GTF3C1: variants seen among roughly 807,000 people sequenced by gnomAD.
GTF3C1 encodes general transcription factor IIIC subunit 1, also known as general transcription factor 3C polypeptide 1.
In GTF3C1, 57 loss-of-function variants were observed where a neutral mutation model predicts 226.7. The ratio of observed to expected loss-of-function variants is 0.25; its 90% CI spans 0.20 to 0.31. The LOEUF (loss-of-function observed/expected upper bound fraction) is 0.31, where lower values mean the gene tolerates loss of function less well. Among genes scored for constraint, GTF3C1 ranks in the 10% least tolerant of loss-of-function variants. GTF3C1 has a pLI of 1.00. For missense variants in GTF3C1, 2,217 were observed against 2,776.1 expected (o/e 0.80, Z 4.53); for synonymous variants, 1,090 against 1,084.8 (o/e 1.00, Z -0.09).
At chr16:27,491,883 G>C (rs1260022331) in intron 19 of GTF3C1, among the ~76,000 whole-genome samples, 2 of 152,074 alleles carry the variant, frequency 1.3e-5, no homozygotes, top group Admixed American at 1.3e-4. Flanking sequence ...CAGCTCCAAT[G>C]TCTCCTCCTC....
At chr16:27,494,669 GTCTTCAAGTATCC>G in intron 16 of GTF3C1, 81 bp downstream of exon 16, 1 of 843,228 alleles carries the variant, frequency 1.2e-6, no homozygotes, top group Non-Finnish European at 2.0e-6. Context: ...GCAACACCGG[GTCTTCAAGTATCC>G]TCCCTTGCCC....
At chr16:27,495,915 C>A (rs1320760322) in intron 14 of GTF3C1, among the ~76,000 whole-genome samples, 2 of 152,166 alleles carry the variant, frequency 1.3e-5, no homozygotes, top group Non-Finnish European at 2.9e-5. Flanking sequence ...GAGTGCAGCA[C>A]CTGCGGCAGG....
At chr16:27,478,380 T>G in intron 28 of GTF3C1, 89 bp downstream of exon 28, 1 of 900,190 alleles carries the variant, frequency 1.1e-6, no homozygotes, top group Non-Finnish European at 1.9e-6. Context: ...TGGGCTGGAT[T>G]TGGCCCTAGA....
chr16:27,516,366 G>A (rs2088658464), intron 6 of GTF3C1, among the ~76,000 whole-genome samples: 1 of 152,228 alleles, frequency 6.6e-6, no homozygotes, highest in East Asian at 1.9e-4. Flanking sequence ...TGGGTGCTGT[G>A]GGTGGGCCAC....
chr16:27,489,502 T>A (rs552626095), intron 20 of GTF3C1, 100 bp downstream of exon 20: 1 of 918,688 alleles, frequency 1.1e-6, no homozygotes. Context: ...ACACAGGCCG[T>A]CTGGCCTGAC....
intron 1 of GTF3C1, among the ~76,000 whole-genome samples, chr16:27,546,485 T>TTAAAA (rs1555505898): frequency 1.1e-5 from 1 of 88,604 alleles, no homozygotes; most frequent in African/African-American, 4.7e-5. Context: ...TTTTTTTTTT[T>TTAAAA]GAAAAAAAAA....
At chr16:27,520,254 A>T (rs2088725130) in intron 6 of GTF3C1, among the ~76,000 whole-genome samples, 1 of 152,166 alleles carries the variant, frequency 6.6e-6, no homozygotes, top group African/African-American at 2.4e-5. Flanking sequence ...AGCTGGGATT[A>T]CAGGCGTGCG....
chr16:27,537,621 T>C (rs1312702252), intron 4 of GTF3C1, among the ~76,000 whole-genome samples, 163 bp downstream of exon 4: 1 of 152,138 alleles, frequency 6.6e-6, no homozygotes, highest in Non-Finnish European at 1.5e-5. Flanking sequence ...TTGCCCAGGC[T>C]GGTCTGGAAC....
rs931063976 is a variant in GTF3C1, at chr16:27,471,142, G to C, written c.4526+606C>G. ...TCTCTGAGCATCTGACTGCAGCCCCGTGCAGACCTGAGTGCGGGGAAGGAG... is the reference window on the plus strand; with the variant it reads ...TCTCTGAGCATCTGACTGCAGCCCCCTGCAGACCTGAGTGCGGGGAAGGAG... On this transcript the variant is annotated intron_variant, in intron 30 of 36. Coordinates refer to ENST00000356183, the MANE Select transcript of GTF3C1 (RefSeq NM_001520.4). The surrounding 1 kb of genome is among the most constrained non-coding windows in gnomAD (Gnocchi z 5.0). Among the ~76,000 whole-genome samples the C allele has an allele frequency of 6.6e-6, 1 of 152,234 alleles. No individual in the cohort carries two copies. Among genetic ancestry groups the C allele is most frequent in the Admixed American group, 6.5e-5 (1 of 15,284 alleles).
In GTF3C1 at chr16:27,492,209, G is replaced by A; in HGVS notation, c.3151+129C>T. 1.6e-6 allele frequency: 1 copy of A among 630,474 alleles called. No homozygotes were observed. The highest frequency in any genetic ancestry group is 1.8e-5 in the African/African-American group (1 of 54,844). The allele number at this position is 630,474 out of a possible 1,614,324, so 39.1% of individuals were successfully genotyped here. A position where few individuals can be genotyped will look rare whatever the true frequency, so the allele number is the denominator to read the frequency against. ...CCAAGGGAGCCCCAGGGGTGCTCTG[G>A]GCCTCTGGGGAGCACTCGGAACATA... On this transcript the variant is annotated intron_variant, in intron 19 of 36. Transcript: ENST00000356183. This position sits in a 1 kb window ranked among gnomAD's most constrained non-coding sequence, Gnocchi z 5.0.
chr16:27,546,438 G>A (rs1567419180), intron 1 of GTF3C1, among the ~76,000 whole-genome samples: 1 of 136,106 alleles, frequency 7.3e-6, no homozygotes, highest in Non-Finnish European at 1.5e-5. Flanking sequence ...TTTTTCATTT[G>A]TGCTTCTTTC....
chr16:27,483,197 T>TCCA, intron 25 of GTF3C1, 72 bp from the exon 26 acceptor site: 8 of 1,435,736 alleles, frequency 5.6e-6, no homozygotes, highest in Non-Finnish European at 6.8e-6. Flanking sequence ...TTCAGAGAGC[T>TCCA]CCATTCTCAT....
At chr16:27,498,222 TGA>T (rs1341865552) in intron 13 of GTF3C1, among the ~76,000 whole-genome samples, 1 of 152,232 alleles carries the variant, frequency 6.6e-6, no homozygotes, top group African/African-American at 2.4e-5. Context: ...TGCCTGCCTG[TGA>T]GAGTTTCTAG....
In GTF3C1 at chr16:27,489,703, T is replaced by C; in HGVS notation, c.3192A>G (p.Thr1064=). ...RCPRVRKNSS[T]DQGSDEEGSL... Reference sequence around the variant, plus strand: ...TGCCCTCCTCGTCGCTGCCCTGGTCTGTGCTGCTGTTCTTCCTGACGCGCG... The same window carrying C: ...TGCCCTCCTCGTCGCTGCCCTGGTCCGTGCTGCTGTTCTTCCTGACGCGCG... The change falls in exon 20 of 37, where the codon ACA becomes ACG. Residue 1064 remains threonine (T), a synonymous_variant. Coordinates refer to ENST00000356183, the MANE Select transcript of GTF3C1 (RefSeq NM_001520.4). 1 of 1,612,292 alleles carries C rather than the reference T, an allele frequency of 6.2e-7. No individual in the cohort carries two copies. The highest frequency in any genetic ancestry group is 8.5e-7 in the Non-Finnish European group (1 of 1,179,786).
rs2141406112 is a variant in GTF3C1, at chr16:27,508,659, T to C, written c.1127-4A>G. On this transcript the variant is annotated splice_region_variant and splice_polypyrimidine_tract_variant and intron_variant, in intron 7 of 36. Transcript: ENST00000356183. Reference sequence around the variant, plus strand: ...CCTTTCGTGCCTCTGCGCTCAACTGTGAGAAACAATACACGTGAACCCAAA... The same window carrying C: ...CCTTTCGTGCCTCTGCGCTCAACTGCGAGAAACAATACACGTGAACCCAAA... The C allele has an allele frequency of 6.2e-7, 1 of 1,609,480 alleles. No homozygotes were observed. Among genetic ancestry groups the C allele is most frequent in the South Asian group, 1.1e-5 (1 of 90,946 alleles).
chr16:27,475,735 G>A (rs747737838), intron 29 of GTF3C1, among the ~76,000 whole-genome samples: 2 of 152,198 alleles, frequency 1.3e-5, no homozygotes, highest in Non-Finnish European at 2.9e-5. Flanking sequence ...GCGTGGACCT[G>A]TGTCCTCGGG....
Position 27,482,950 on chromosome 16 carries a change from C to T in GTF3C1, c.4083+94G>A, listed in dbSNP as rs1027450552. ...GGAAACAAAGTCCACGTTCCTAAGG[C>T]TGGCAGGGGCACTGTGGGATGAGAG... is the stretch of plus-strand genomic sequence containing the variant. On this transcript the variant is annotated intron_variant, in intron 26 of 36. Coordinates refer to ENST00000356183, the MANE Select transcript of GTF3C1 (RefSeq NM_001520.4). 4 of 1,022,396 alleles carry T rather than the reference C, an allele frequency of 3.9e-6. No homozygotes were observed. The South Asian group carries it at 4.1e-5, about 10-fold the overall frequency. The allele number at this position is 1,022,396 out of a possible 1,614,324, so 63.3% of individuals were successfully genotyped here.
chr16:27,533,515 A>G (rs2088953998), intron 4 of GTF3C1, 128 bp from the exon 5 acceptor site: 1 of 624,628 alleles, frequency 1.6e-6, no homozygotes, highest in Non-Finnish European at 2.9e-6. Context: ...AGAATCTTTT[A>G]GGTCTCAAAG....
chr16:27,476,629 G>C (rs1414528797), intron 28 of GTF3C1, 85 bp from the exon 29 acceptor site: 1 of 758,184 alleles, frequency 1.3e-6, no homozygotes, highest in African/African-American at 1.7e-5. Flanking sequence ...AAAAAAACTT[G>C]AATCTCACAA....
Sources: allele counts gnomAD v4.1 joint callset (sites outside exome capture counted in the v4.1 genomes callset), GRCh38; gene constraint gnomAD v4.1.1; non-coding constraint Gnocchi (gnomAD v3.1); transcripts MANE v1.5; gene names NCBI Gene and HGNC (gene_info 2026-07-23, HGNC 2026-07-21).